The following TEX11 variants were observed in gnomAD, a reference collection of about 807,000 sequenced individuals.
TEX11 encodes the protein testis expressed 11, also known as testis-expressed protein 11.
Under a neutral mutation model 84.4 loss-of-function variants are expected in TEX11, and 7 were observed. The observed-to-expected ratio is 0.08, with a 90% confidence interval of 0.05 to 0.16. The LOEUF (loss-of-function observed/expected upper bound fraction) is 0.16, where lower values mean the gene tolerates loss of function less well. TEX11 is among the 10% of genes least tolerant of loss of function. The probability of loss-of-function intolerance (pLI) is 1.00; values close to 1 mark genes in which losing one functional copy is unlikely to be tolerated. For synonymous variants in TEX11, 264 were observed against 222.8 expected, an observed-to-expected ratio of 1.18 and a Z score of -1.64; for missense variants, 551 against 660.5, an observed-to-expected ratio of 0.83 and a Z score of 1.82.
intron 25 of TEX11, among the ~76,000 whole-genome samples, chrX:70,567,159 C>A (rs1363588808): frequency 9.0e-6 from 1 of 110,935 alleles, no homozygotes; most frequent in Non-Finnish European, 1.9e-5. Flanking sequence ...AGGAATTTAT[C>A]CATTTCTTCT....
chrX:70,635,260 C>T (rs755523650), intron 17 of TEX11, among the ~76,000 whole-genome samples: 3 of 112,369 alleles, frequency 2.7e-5, no homozygotes, highest in African/African-American at 9.7e-5. Context: ...AGATATCCTC[C>T]ACTTAGGGGA....
chrX:70,515,096 C>A, the TEX11 span, among the ~76,000 whole-genome samples: 1 of 81,536 alleles, frequency 1.2e-5, no homozygotes, highest in Non-Finnish European at 2.0e-5. Flanking sequence ...CACACACACA[C>A]AGAAAGAAGG....
intron 13 of TEX11, among the ~76,000 whole-genome samples, chrX:70,684,712 A>G (rs1196371725): frequency 8.9e-6 from 1 of 112,528 alleles, no homozygotes; most frequent in Non-Finnish European, 1.9e-5. Flanking sequence ...TAGTATTATT[A>G]AAATGTCCAC....
chrX:70,533,320 T>C (rs1397696547), intron 28 of TEX11, among the ~76,000 whole-genome samples: 1 of 84,647 alleles, frequency 1.2e-5, no homozygotes, highest in Non-Finnish European at 2.5e-5. Flanking sequence ...GGGACAACAA[T>C]AAGTTCTATT....
chrX:70,528,834 T>A, downstream of TEX11: 1 of 342,672 alleles, frequency 2.9e-6, no homozygotes, highest in East Asian at 4.8e-5. Context: ...TTCTCTTTTG[T>A]TCAGATGGGG....
intron 28 of TEX11, 46 bp downstream of exon 28, chrX:70,552,080 A>C (rs2088222156): frequency 5.9e-6 from 7 of 1,180,756 alleles, no homozygotes; most frequent in Non-Finnish European, 8.0e-6. Context: ...AAGACAGTTC[A>C]GTTCTTTAAA....
chrX:70,823,710 C>T lies in TEX11; in HGVS notation c.606+9803G>A, dbSNP rs756004962. On this transcript the variant is annotated intron_variant, in intron 8 of 29. Transcript: ENST00000374333. ...GCCAAATGTAGAAAGAGTTAACCAT[C>T]AAAATAGTGTTTTAGACCGGGTGCA... 2.1e-4 allele frequency among the ~76,000 whole-genome samples: 23 copies of T among 111,251 alleles called. No individual in the cohort carries two copies. The East Asian group carries it at 6.5e-3, about 32-fold the overall frequency.
At chrX:70,603,202 C>A (rs1189136587) in intron 24 of TEX11, among the ~76,000 whole-genome samples, 1 of 92,074 alleles carries the variant, frequency 1.1e-5, no homozygotes, top group African/African-American at 4.0e-5. Flanking sequence ...GAAAAAACTA[C>A]TTTAAAGTTC....
chrX:70,812,554 C>G, intron 8 of TEX11, among the ~76,000 whole-genome samples: 1 of 110,977 alleles, frequency 9.0e-6, no homozygotes, highest in Non-Finnish European at 1.9e-5. Context: ...CCAGTTTCAG[C>G]TTTCTACATA....
chrX:70,574,511 C>T (rs1046025247), intron 25 of TEX11, among the ~76,000 whole-genome samples: 65 of 111,460 alleles, frequency 5.8e-4, no homozygotes, highest in African/African-American at 2.0e-3. Flanking sequence ...TGAGCTCTCC[C>T]AAGGATCTTT....
intron 2 of TEX11, among the ~76,000 whole-genome samples, chrX:70,895,533 T>C (rs950583447): frequency 1.8e-5 from 2 of 111,871 alleles, no homozygotes; most frequent in Non-Finnish European, 3.8e-5. Context: ...TTAAATTTCA[T>C]ATGGAACCAA....
chrX:70,648,653 C>A (rs192912116), intron 17 of TEX11, among the ~76,000 whole-genome samples: 2 of 111,037 alleles, frequency 1.8e-5, no homozygotes, highest in Non-Finnish European at 3.8e-5. Context: ...TAGGGAAATG[C>A]TAATGCCACA....
Position 70,541,895 on chromosome X carries a change from T to C in TEX11, c.2520+10231A>G, listed in dbSNP as rs112967877. 2.3e-3 allele frequency among the ~76,000 whole-genome samples: 256 copies of C among 112,608 alleles called. 2 individuals are homozygous for C. Among genetic ancestry groups the C allele is most frequent in the African/African-American group, 7.9e-3 (246 of 31,071 alleles). On this transcript the variant is annotated intron_variant, in intron 28 of 29. Coordinates refer to ENST00000374333, the MANE Select transcript of TEX11 (RefSeq NM_031276.3). ...ACAATCGACTTCTTCTTAAAAATTA[T>C]CTAGAATATGAACCTACATAGGTTG... is the stretch of plus-strand genomic sequence containing the variant.
intron 5 of TEX11, among the ~76,000 whole-genome samples, chrX:70,855,716 G>T (rs1179097838): frequency 9.0e-6 from 1 of 111,313 alleles, no homozygotes; most frequent in Non-Finnish European, 1.9e-5. Context: ...GAGGCCATTA[G>T]GGCGGGCCCT....
chrX:70,877,550 T>A (rs980570871), intron 3 of TEX11, among the ~76,000 whole-genome samples: 4 of 111,828 alleles, frequency 3.6e-5, no homozygotes, highest in African/African-American at 6.5e-5. Context: ...AAGAATTAAA[T>A]GCAGGGACTT....
intron 3 of TEX11, among the ~76,000 whole-genome samples, chrX:70,874,082 T>A (rs2091643243): frequency 9.1e-6 from 1 of 110,377 alleles, no homozygotes; most frequent in Admixed American, 9.8e-5. Context: ...GCCTGGTACC[T>A]CCTCCTTTCT....
intron 8 of TEX11, among the ~76,000 whole-genome samples, chrX:70,829,261 C>T (rs1325991067): frequency 9.0e-5 from 10 of 111,287 alleles, no homozygotes; most frequent in South Asian, 3.8e-4. Flanking sequence ...GCAGGTGGAT[C>T]GCCTGAGGTC....
intron 9 of TEX11, among the ~76,000 whole-genome samples, chrX:70,806,403 C>A: frequency 9.5e-6 from 1 of 105,329 alleles, no homozygotes; most frequent in African/African-American, 3.5e-5. Context: ...TTGCAGTGAG[C>A]AGAGATCATG....
At chrX:70,714,013 A>G (rs941976332) in intron 13 of TEX11, among the ~76,000 whole-genome samples, 1 of 111,738 alleles carries the variant, frequency 8.9e-6, no homozygotes, top group African/African-American at 3.3e-5. Context: ...ATTGGTTTCA[A>G]AGAACATCTT....
Sources: allele counts gnomAD v4.1 joint callset (sites outside exome capture counted in the v4.1 genomes callset), GRCh38; gene constraint gnomAD v4.1.1; transcripts MANE v1.5; gene names NCBI Gene and HGNC (gene_info 2026-07-23, HGNC 2026-07-21).